JPH3: variants seen among roughly 807,000 people sequenced by gnomAD.
JPH3 encodes the protein junctophilin-3.
In JPH3, 11 loss-of-function variants were observed where a neutral mutation model predicts 59.6. That is an observed-to-expected ratio of 0.18 (90% CI 0.12 to 0.31). The LOEUF is 0.31. JPH3 is among the 10% of genes least tolerant of loss of function. JPH3 has a pLI of 1.00. For synonymous variants in JPH3, 673 were observed against 483.6 expected (o/e 1.39, Z -5.14); for missense variants, 1,202 against 1,105.7 (o/e 1.09, Z -1.24).
At chr16:87,632,548 C>T (rs918604535) in intron 1 of JPH3, among the ~76,000 whole-genome samples, 2 of 152,186 alleles carry the variant, frequency 1.3e-5, no homozygotes, top group Non-Finnish European at 2.9e-5. Context: ...CCAGCCCCTC[C>T]TGGGCTGAAG....
chr16:87,673,080 A>G (rs1597281088), intron 2 of JPH3, among the ~76,000 whole-genome samples: 1 of 151,908 alleles, frequency 6.6e-6, no homozygotes, highest in Admixed American at 6.6e-5. Context: ...CAGGAGGCGG[A>G]GGTTGCAGTG....
chr16:87,644,543 T>C lies in JPH3; in HGVS notation c.668T>C (p.Leu223Pro). Residue 223 changes from leucine (L) to proline (P), a missense_variant, in exon 2 of 5, where the codon CTG becomes CCG. Leu to Pro is a moderately conservative substitution (Grantham distance 98, BLOSUM62 -3). Coordinates refer to ENST00000284262, the MANE Select transcript of JPH3 (RefSeq NM_020655.4). ...TTTCGGCGCTCGCTGCTGAGTGGGC[T>C]GAAGCTGCGCAAGTCGGAGTCCAAG... Reference protein sequence around the residue: ...GLFRRSLLSGLKLRKSESKSS... With the variant: ...GLFRRSLLSGPKLRKSESKSS... 1.9e-6 allele frequency: 3 copies of C among 1,612,476 alleles called. No homozygotes were observed. Among genetic ancestry groups the C allele is most frequent in the Non-Finnish European group, 2.5e-6 (3 of 1,179,734 alleles).
chr16:87,648,097 C>T (rs1208114281), intron 2 of JPH3, among the ~76,000 whole-genome samples: 2 of 152,202 alleles, frequency 1.3e-5, no homozygotes, highest in African/African-American at 2.4e-5. Context: ...GCATGGGAGG[C>T]AGGTGTGTTT....
intron 3 of JPH3, among the ~76,000 whole-genome samples, chr16:87,686,645 C>T (rs2033426060): frequency 6.8e-6 from 1 of 146,940 alleles, no homozygotes; most frequent in South Asian, 2.2e-4. Context: ...GTCCTGGATT[C>T]AGAGGAGATG....
intron 3 of JPH3, among the ~76,000 whole-genome samples, chr16:87,686,797 C>G (rs1348573342): frequency 6.6e-6 from 1 of 152,220 alleles, no homozygotes; most frequent in Non-Finnish European, 1.5e-5. Flanking sequence ...GCTGCCTCCT[C>G]CGACAGTTCT....
At position 87,604,136 on chromosome 16, in the gene JPH3, G is replaced by A. The variant is rs2030387978; in HGVS notation, c.382+608G>A. On this transcript the variant is annotated intron_variant, in intron 1 of 4. Coordinates refer to ENST00000284262, the MANE Select transcript of JPH3 (RefSeq NM_020655.4). ...TGTCGAAGCAGGCTGCTGGAGGGAG[G>A]AGGGAGGCCCATCTGCTCAGTGAGA... is the stretch of plus-strand genomic sequence containing the variant. 2.2e-6 allele frequency: 3 copies of A among 1,350,222 alleles called. No homozygotes were observed. In the African/African-American group the frequency reaches 4.4e-5, roughly 20 times the overall value. 83.6% of individuals were successfully genotyped at this position (1,350,222 alleles called of 1,614,324 possible).
intron 1 of JPH3, among the ~76,000 whole-genome samples, chr16:87,612,200 T>G (rs1273954130): frequency 6.6e-6 from 1 of 152,196 alleles, no homozygotes; most frequent in African/African-American, 2.4e-5. Context: ...CGTGGCTCAC[T>G]GCAACCTCTG....
At chr16:87,608,211 G>A (rs552666895) in intron 1 of JPH3, among the ~76,000 whole-genome samples, 1 of 152,346 alleles carries the variant, frequency 6.6e-6, no homozygotes, top group South Asian at 2.1e-4. Context: ...GAGCAAGAAG[G>A]GGTGGAGTGT....
chr16:87,613,510 G>A (rs750195337), intron 1 of JPH3, among the ~76,000 whole-genome samples: 3 of 152,052 alleles, frequency 2.0e-5, no homozygotes, highest in East Asian at 1.9e-4. Flanking sequence ...TGGTAGAGAC[G>A]GGGTTTCACC....
At chr16:87,687,361 C>G (rs1567614786) in intron 3 of JPH3, among the ~76,000 whole-genome samples, 1 of 152,204 alleles carries the variant, frequency 6.6e-6, no homozygotes, top group Non-Finnish European at 1.5e-5. Flanking sequence ...ATGCCGGCTT[C>G]TAGAGAAGCA....
At chr16:87,629,374 TA>T (rs2031487970) in intron 1 of JPH3, among the ~76,000 whole-genome samples, 1 of 152,024 alleles carries the variant, frequency 6.6e-6, no homozygotes, top group Non-Finnish European at 1.5e-5. Flanking sequence ...ATATTTGATT[TA>T]AAAGAATGCT....
chr16:87,658,087 T>C (rs535668153), intron 2 of JPH3, among the ~76,000 whole-genome samples: 4 of 152,182 alleles, frequency 2.6e-5, no homozygotes, highest in Non-Finnish European at 4.4e-5. Context: ...GAAGGCACCA[T>C]GCGGCCCACG....
At chr16:87,636,915 C>T (rs144784528) in intron 1 of JPH3, among the ~76,000 whole-genome samples, 1 of 152,156 alleles carries the variant, frequency 6.6e-6, no homozygotes, top group Admixed American at 6.5e-5. Flanking sequence ...CCATAGTACG[C>T]GCAGCGCAGT....
At chr16:87,665,100 G>A (rs1218180507) in intron 2 of JPH3, among the ~76,000 whole-genome samples, 1 of 152,230 alleles carries the variant, frequency 6.6e-6, no homozygotes, top group Non-Finnish European at 1.5e-5. Context: ...TCATCCCTTT[G>A]ACTCCAGGGA....
chr16:87,628,208 C>A (rs778080695), intron 1 of JPH3, among the ~76,000 whole-genome samples: 1 of 152,266 alleles, frequency 6.6e-6, no homozygotes, highest in Non-Finnish European at 1.5e-5. Flanking sequence ...TGAGCCTGTG[C>A]GTCTGATCTG....
intron 1 of JPH3, among the ~76,000 whole-genome samples, chr16:87,634,881 G>A (rs1300479909): frequency 2.6e-5 from 4 of 152,234 alleles, no homozygotes; most frequent in Admixed American, 2.0e-4. Context: ...TTTCAGTCCC[G>A]CTCTAGCTGG....
chr16:87,673,451 C>T (rs1233005829), intron 2 of JPH3, among the ~76,000 whole-genome samples: 1 of 152,160 alleles, frequency 6.6e-6, no homozygotes, highest in Admixed American at 6.5e-5. Context: ...ACCCCAGGAA[C>T]ATTTAAACTG....
chr16:87,648,157 T>C (rs1000218323), intron 2 of JPH3, among the ~76,000 whole-genome samples: 25 of 152,152 alleles, frequency 1.6e-4, no homozygotes, highest in African/African-American at 5.6e-4. Context: ...ACAGTATTTT[T>C]GGTCATCAGA....
At chr16:87,694,819 C>T (rs1327365640) in intron 4 of JPH3, 1 of 191,848 alleles carries the variant, frequency 5.2e-6, no homozygotes, top group Admixed American at 5.4e-5. Flanking sequence ...TTGCTGTCCC[C>T]TCCTCCCCCA....
Sources: gnomAD v4.1 joint callset for allele counts (sites outside exome capture counted in the v4.1 genomes callset) on GRCh38, gnomAD v4.1.1 for gene constraint, MANE v1.5 for transcripts, NCBI Gene and HGNC (gene_info 2026-07-23, HGNC 2026-07-21) for gene names.